Variants in SPOCD1 observed in about 807,000 individuals in gnomAD.
SPOCD1 encodes SPOC domain containing 1, also known as SPOC domain-containing protein 1.
SPOCD1 carries 64 observed loss-of-function variants against 92.2 expected under a neutral mutation model. The ratio of observed to expected loss-of-function variants is 0.69; its 90% CI spans 0.57 to 0.86. SPOCD1 has a LOEUF of 0.86. SPOCD1 is among the 40% of genes least tolerant of loss of function. SPOCD1 has a pLI of 0.00. For missense variants in SPOCD1, 1,360 were observed against 1,543.1 expected, an observed-to-expected ratio of 0.88 and a Z score of 1.99; for synonymous variants, 578 against 619.3, an observed-to-expected ratio of 0.93 and a Z score of 0.99.
At chr1:31,801,757 C>T in intron 2 of SPOCD1, 52 bp from the exon 3 acceptor site, 2 of 1,435,436 alleles carry the variant, frequency 1.4e-6, no homozygotes, top group Non-Finnish European at 2.0e-6. Context: ...CCAGCCACCC[C>T]ATGGCAGGGA....
In SPOCD1 at chr1:31,813,952, A is replaced by C; in HGVS notation, c.1382T>G (p.Leu461Arg). Reference sequence around the variant, plus strand: ...CCCAAACTCTCAGACTCAGCTCACCAGTCTGGGGCAGCCTCCTGGGCTGGG... The same window carrying C: ...CCCAAACTCTCAGACTCAGCTCACCCGTCTGGGGCAGCCTCCTGGGCTGGG... The part of the protein sequence containing the change: ...EEPSPGGCPR[L>R]EEVKIPHGVK... The change falls in exon 2 of 16, where the codon CTG becomes CGG. Residue 461 changes from leucine (L) to arginine (R), a missense_variant and splice_region_variant. Leu to Arg is a moderately radical substitution (Grantham distance 102, BLOSUM62 -2). Around this residue, in one of 3 missense-constraint regions of SPOCD1, gnomAD observed 606 missense variants for 601.5 expected, o/e 1.01. Transcript: ENST00000360482. 6.6e-7 allele frequency: 1 copy of C among 1,515,096 alleles called. No individual in the cohort carries two copies. Among genetic ancestry groups the C allele is most frequent in the Non-Finnish European group, 8.9e-7 (1 of 1,128,060 alleles). The allele number at this position is 1,515,096 out of a possible 1,614,324, so 93.9% of individuals were successfully genotyped here.
chr1:31,792,573 G>C, intron 14 of SPOCD1, 105 bp downstream of exon 14: 2 of 1,168,352 alleles, frequency 1.7e-6, no homozygotes, highest in Non-Finnish European at 2.4e-6. Context: ...AGTCACTCTG[G>C]GAACTAGACC....
In SPOCD1 at chr1:31,814,373, C is replaced by G. The variant is rs1649407497; in HGVS notation, c.961G>C (p.Ala321Pro). The G allele has an allele frequency of 6.2e-7, 1 of 1,606,096 alleles. No homozygotes were observed. Among genetic ancestry groups the G allele is most frequent in the African/African-American group, 1.3e-5 (1 of 74,834 alleles). The change falls in exon 2 of 16, where the codon GCT becomes CCT. Residue 321 changes from alanine (A) to proline (P), a missense_variant. By Grantham distance (27) the Ala-to-Pro change is conservative. Around this residue, in one of 3 missense-constraint regions of SPOCD1, gnomAD observed 606 missense variants for 601.5 expected, o/e 1.01. Transcript: ENST00000360482. This position sits in a 1 kb window ranked among gnomAD's most constrained non-coding sequence, Gnocchi z 4.2. ...GGESLSSAAQ[A>P]PPQSAALCLG... The stretch of plus-strand genomic sequence containing the variant: ...CACAGTGCTGCGCTCTGTGGAGGAG[C>G]CTGTGCAGCTGAACTGAGGGACTCC...
chr1:31,796,340 T>G, intron 10 of SPOCD1: 1 of 581,540 alleles, frequency 1.7e-6, no homozygotes, highest in Non-Finnish European at 3.1e-6. Flanking sequence ...ATACCACTCA[T>G]GTGGGGGCCT....
At position 31,790,810 on chromosome 1, in the gene SPOCD1, G is replaced by A. The variant is rs1647531291; in HGVS notation, c.3444C>T (p.Ala1148=). Residue 1148 remains alanine (A), a synonymous_variant, in exon 16 of 16, where the codon GCC becomes GCT. Transcript: ENST00000360482. The part of the protein sequence containing the change: ...HFHRDSCPHQ[A]LLRHLESLAT... ...CCAGGGATTCGAGGTGCCGGAGCAG[G>A]GCTTGGTGGGGACAGGAGTCCCTGT... is the stretch of plus-strand genomic sequence containing the variant. 1 of 1,542,514 alleles carries A rather than the reference G, an allele frequency of 6.5e-7. No homozygotes were observed. The highest frequency in any genetic ancestry group is 8.8e-7 in the Non-Finnish European group (1 of 1,142,736).
chr1:31,798,879 T>A lies in SPOCD1; in HGVS notation c.1869-278A>T. On this transcript the variant is annotated intron_variant, in intron 7 of 15. Transcript: ENST00000360482. The surrounding 1 kb of genome is among the most constrained non-coding windows in gnomAD (Gnocchi z 4.1). ...AAAAGCAAGATTTGAAACTCGACTG[T>A]CTGACTCACCAGCCTGTGCCCCGTC... 1.7e-6 allele frequency: 1 copy of A among 572,710 alleles called. No individual in the cohort carries two copies. The highest frequency in any genetic ancestry group is 2.3e-5 in the South Asian group (1 of 43,854). The allele number at this position is 572,710 out of a possible 1,614,324, so 35.5% of individuals were successfully genotyped here.
chr1:31,800,927 C>T lies in SPOCD1; in HGVS notation c.1426-310G>A, dbSNP rs150779224. 5.3e-5 allele frequency among the ~76,000 whole-genome samples: 8 copies of T among 152,284 alleles called. No homozygotes were observed. The East Asian group carries it at 1.5e-3, about 29-fold the overall frequency. ...CATTCATAGTTAACTGAACTCTGTG[C>T]CAGGACCCTCTCACTCTTCTTCTGA... On this transcript the variant is annotated intron_variant, in intron 3 of 15. Coordinates refer to ENST00000360482, the MANE Select transcript of SPOCD1 (RefSeq NM_144569.7).
rs1649437261 is a variant in SPOCD1, at chr1:31,814,715, T to G, written c.619A>C (p.Lys207Gln). 9 of 1,608,840 alleles carry G rather than the reference T, an allele frequency of 5.6e-6. No homozygotes were observed. Among genetic ancestry groups the G allele is most frequent in the Non-Finnish European group, 7.6e-6 (9 of 1,178,002 alleles). ...SPDPVPVRVRKKWRRQGAHSE... is the reference protein window; with the variant it reads ...SPDPVPVRVRQKWRRQGAHSE... The stretch of plus-strand genomic sequence containing the variant: ...TGAGCCCCTTGCCTCCTCCATTTCT[T>G]TCTTACCCTCACAGGGACTGGGTCT... Residue 207 changes from lysine (K) to glutamine (Q), a missense_variant, in exon 2 of 16, where the codon AAG (lysine) becomes CAG (glutamine). By Grantham distance (53) the Lys-to-Gln change is moderately conservative. Transcript: ENST00000360482. This position sits in a 1 kb window ranked among gnomAD's most constrained non-coding sequence, Gnocchi z 4.2.
At chr1:31,796,743 G>A (rs367771625) in intron 9 of SPOCD1, 28 bp from the exon 10 acceptor site, 7 of 1,613,908 alleles carry the variant, frequency 4.3e-6, no homozygotes, top group Non-Finnish European at 5.9e-6. Flanking sequence ...GCCAAGCTGA[G>A]CCCAGTTAGG....
chr1:31,800,250 T>G (rs1648354747), intron 4 of SPOCD1, 109 bp from the exon 5 acceptor site: 1 of 1,505,082 alleles, frequency 6.6e-7, no homozygotes, highest in Non-Finnish European at 8.9e-7. Flanking sequence ...CCACCCTGAA[T>G]TCAGAGCTGC....
At chr1:31,800,366 C>G in intron 4 of SPOCD1, 75 bp downstream of exon 4, 1 of 1,471,530 alleles carries the variant, frequency 6.8e-7, no homozygotes, top group Non-Finnish European at 9.1e-7. Flanking sequence ...CTCTCTGAGC[C>G]TCAGTGACAT....
In SPOCD1 at chr1:31,815,233, G is replaced by A. The variant is rs765022917; in HGVS notation, c.101C>T (p.Ser34Phe). The change falls in exon 2 of 16, where the codon TCC becomes TTC. Residue 34 changes from serine to phenylalanine, a missense_variant. Physicochemically the swap from Ser to Phe is radical, Grantham distance 155. Coordinates refer to ENST00000360482, the MANE Select transcript of SPOCD1 (RefSeq NM_144569.7). Reference sequence around the variant, plus strand: ...CCCATCTGGTGACAGGCCTGGCATGGAGCTGGCTCCTTCCATGTTCTGTAA... The same window carrying A: ...CCCATCTGGTGACAGGCCTGGCATGAAGCTGGCTCCTTCCATGTTCTGTAA... ...ELLQNMEGAS[S>F]MPGLSPDGPG... 8.1e-6 allele frequency: 13 copies of A among 1,606,234 alleles called. No individual in the cohort carries two copies. Among genetic ancestry groups the A allele is most frequent in the Non-Finnish European group, 1.0e-5 (12 of 1,174,096 alleles).
At chr1:31,795,105 A>G (rs1056813100) in intron 10 of SPOCD1, 1 of 152,272 alleles carries the variant, frequency 6.6e-6, no homozygotes, top group African/African-American at 2.4e-5. Context: ...TTAGGACAAG[A>G]TTTCAGAAGC....
chr1:31,798,786 T>C lies in SPOCD1; in HGVS notation c.1869-185A>G. 1 of 637,108 alleles carries C rather than the reference T, an allele frequency of 1.6e-6. No individual in the cohort carries two copies. Among genetic ancestry groups the C allele is most frequent in the East Asian group, 2.8e-5 (1 of 36,004 alleles). 39.5% of individuals were successfully genotyped at this position (637,108 alleles called of 1,614,324 possible). ...TGAGGAGGAAATAGGATCATTCTCCTTTTATGGATGGGGTTACTGGGGCTC... is the reference window on the plus strand; with the variant it reads ...TGAGGAGGAAATAGGATCATTCTCCCTTTATGGATGGGGTTACTGGGGCTC... On this transcript the variant is annotated intron_variant, in intron 7 of 15. Transcript: ENST00000360482. The surrounding 1 kb of genome is among the most constrained non-coding windows in gnomAD (Gnocchi z 4.1).
intron 10 of SPOCD1, chr1:31,795,221 T>C (rs1647923820): frequency 6.6e-6 from 1 of 152,230 alleles, no homozygotes; most frequent in South Asian, 2.1e-4. Context: ...AAAACAATCA[T>C]TGCTTTAGGA....
chr1:31,792,535 C>T, intron 14 of SPOCD1, 134 bp from the exon 15 acceptor site: 1 of 1,198,310 alleles, frequency 8.3e-7, no homozygotes, highest in Non-Finnish European at 1.2e-6. Flanking sequence ...AACAGAGGGA[C>T]CTGTCCAGGG....
chr1:31,796,375 A>G (rs565317212), intron 10 of SPOCD1: 1 of 699,340 alleles, frequency 1.4e-6, no homozygotes, highest in South Asian at 1.7e-5. Context: ...AAGGAGGAGG[A>G]CCGACAGTGA....
rs746692100 is a variant in SPOCD1 at position 31,792,731 on chromosome 1, G to C, written c.2722C>G (p.Pro908Ala). 3.3e-5 allele frequency: 53 copies of C among 1,608,344 alleles called. No individual in the cohort carries two copies. The East Asian group carries it at 8.0e-4, about 24-fold the overall frequency. The change falls in exon 14 of 16, where the codon CCC (proline) becomes GCC (alanine). Residue 908 changes from proline to alanine, a missense_variant. By Grantham distance (27) the Pro-to-Ala change is conservative. Around this residue, in one of 3 missense-constraint regions of SPOCD1, gnomAD observed 614 missense variants for 757.8 expected, o/e 0.81. Coordinates refer to ENST00000360482, the MANE Select transcript of SPOCD1 (RefSeq NM_144569.7). Reference protein sequence around the residue: ...PTVIRSAGCIPSNIVWDLLAS... With the variant: ...PTVIRSAGCIASNIVWDLLAS... ...AGAAGGTCCCAGACAATGTTGGAGGGGATGCAGCCTGCCGAGCGGATCACG... is the reference window on the plus strand; with the variant it reads ...AGAAGGTCCCAGACAATGTTGGAGGCGATGCAGCCTGCCGAGCGGATCACG...
Position 31,793,852 on chromosome 1 carries a change from T to C in SPOCD1, c.2429A>G (p.Lys810Arg). Residue 810 changes from lysine (K) to arginine (R), a missense_variant, in exon 12 of 16, where the codon AAG becomes AGG. Lys to Arg is a conservative substitution (Grantham distance 26). This residue lies in a region of SPOCD1 where 614 missense variants were observed against 757.8 expected (regional missense o/e 0.81). Transcript: ENST00000360482. The part of the protein sequence containing the change: ...NELLGSFEAA[K>R]SCGDNIFQKA... Reference sequence around the variant, plus strand: ...CTGGAAGATATTGTCCCCGCAGCTCTTGGCGGCTTCGAAGGAGCCTAGCAG... The same window carrying C: ...CTGGAAGATATTGTCCCCGCAGCTCCTGGCGGCTTCGAAGGAGCCTAGCAG... The C allele has an allele frequency of 6.2e-7, 1 of 1,614,142 alleles. No individual in the cohort carries two copies. Among genetic ancestry groups the C allele is most frequent in the Non-Finnish European group, 8.5e-7 (1 of 1,179,972 alleles).
Sources: allele counts gnomAD v4.1 joint callset (sites outside exome capture counted in the v4.1 genomes callset), GRCh38; gene constraint gnomAD v4.1.1; regional missense constraint gnomAD v4.1.1; non-coding constraint Gnocchi (gnomAD v3.1); transcripts MANE v1.5; gene names NCBI Gene and HGNC (gene_info 2026-07-23, HGNC 2026-07-21).